The following UTY variants were observed in gnomAD, a reference collection of about 807,000 sequenced individuals.
UTY encodes histone demethylase UTY.
Under a neutral mutation model 32.5 loss-of-function variants are expected in UTY, and 12 were observed. That is an observed-to-expected ratio of 0.37 (90% confidence interval 0.24 to 0.60). The LOEUF (loss-of-function observed/expected upper bound fraction) is 0.60, where lower values mean the gene tolerates loss of function less well. Among genes scored for constraint, UTY ranks in the 20% least tolerant of loss-of-function variants. UTY has a pLI of 0.69. For synonymous variants in UTY, 131 were observed against 103.4 expected, an observed-to-expected ratio of 1.27 and a Z score of -1.62; for missense variants, 303 against 299.2, an observed-to-expected ratio of 1.01 and a Z score of -0.09.
At chrY:13,368,062 CT>C (rs758483942) in intron 9 of UTY, among the ~76,000 whole-genome samples, 2 of 23,206 alleles carry the variant, frequency 8.6e-5, no homozygotes, top group Non-Finnish European at 2.1e-4. Flanking sequence ...TAAGCACTAT[CT>C]TTTTTTTTTT....
chrY:13,426,900 G>T (rs2073365297), intron 4 of UTY, among the ~76,000 whole-genome samples: 1 of 33,146 alleles, frequency 3.0e-5, no homozygotes, highest in South Asian at 6.5e-4. Flanking sequence ...CAGCTCATTG[G>T]CTTAAAAAAA....
At chrY:13,302,068 C>A (rs2058399710) in intron 25 of UTY, among the ~76,000 whole-genome samples, 1 of 33,406 alleles carries the variant, frequency 3.0e-5, no homozygotes, top group Non-Finnish European at 7.4e-5. Context: ...ATGTAAACCT[C>A]ATATATAATT....
chrY:13,479,323 G>C lies in UTY; in HGVS notation c.153-6C>G. ...TCACGAACCCGAAGAGACGGCTGTA[G>C]AGAGAGAGACACAGAGCTTGTTAAT... On this transcript the variant is annotated splice_polypyrimidine_tract_variant and splice_region_variant and intron_variant, in intron 1 of 29. Coordinates refer to ENST00000545955, the MANE Select transcript of UTY (RefSeq NM_001258249.2). The C allele has an allele frequency of 2.5e-6, 1 of 393,915 alleles. No individual in the cohort carries two copies. The highest frequency in any genetic ancestry group is 7.7e-5 in the Admixed American group (1 of 13,051).
At chrY:13,368,637 C>A in intron 9 of UTY, among the ~76,000 whole-genome samples, 1 of 32,045 alleles carries the variant, frequency 3.1e-5, no homozygotes, top group African/African-American at 1.2e-4. Context: ...TGCTGGACCC[C>A]GACAGTGCTG....
chrY:13,312,535 G>A, intron 21 of UTY, among the ~76,000 whole-genome samples: 1 of 32,318 alleles, frequency 3.1e-5, no homozygotes, highest in Non-Finnish European at 7.6e-5. Flanking sequence ...TGAGGCGGGC[G>A]GGTCATCTGG....
chrY:13,475,506 CA>C (rs2078948118), intron 2 of UTY, among the ~76,000 whole-genome samples: 15 of 33,595 alleles, frequency 4.5e-4, no homozygotes, highest in African/African-American at 1.7e-3. Flanking sequence ...AGTTGCAGTG[CA>C]AAAATAACCT....
At chrY:13,275,223 T>C (rs1019453706) in intron 27 of UTY, among the ~76,000 whole-genome samples, 21 of 33,652 alleles carry the variant, frequency 6.2e-4, no homozygotes, top group Non-Finnish European at 4.4e-4. Context: ...AGTGTAGCTA[T>C]TGGCAAATTT....
At chrY:13,456,299 T>C (rs2076799332) in intron 3 of UTY, among the ~76,000 whole-genome samples, 1 of 33,429 alleles carries the variant, frequency 3.0e-5, no homozygotes, top group Non-Finnish European at 7.4e-5. Context: ...TCATGAATCT[T>C]TCCTTAAGAA....
chrY:13,251,187 C>T lies in UTY; in HGVS notation c.4138G>A (p.Val1380Met). The change falls in exon 29 of 30, where the codon GTG (valine) becomes ATG (methionine). Residue 1380 changes from valine (V) to methionine (M), a missense_variant and splice_region_variant. By Grantham distance (21) the Val-to-Met change is conservative. Transcript: ENST00000545955. ...EPAHYCSICE[V>M]EVFNLLFVTN... is the part of the protein sequence containing the mutation. ...ACAAAAAGCAGATTAAAAACCTCCACCTATATTAAATAAATAAATAAACAA... is the reference window on the plus strand; with the variant it reads ...ACAAAAAGCAGATTAAAAACCTCCATCTATATTAAATAAATAAATAAACAA... The T allele has an allele frequency of 2.7e-6, 1 of 363,900 alleles. No homozygotes were observed. The highest frequency in any genetic ancestry group is 9.8e-5 in the East Asian group (1 of 10,182). The allele number at this position is 363,900 out of a possible 400,897, so 90.8% of individuals were successfully genotyped here.
chrY:13,470,298 G>T, intron 2 of UTY, 69 bp from the exon 3 acceptor site: 1 of 211,465 alleles, frequency 4.7e-6, no homozygotes, highest in Non-Finnish European at 7.2e-6. Flanking sequence ...ACATCTGCAC[G>T]AGATTCTTAA....
chrY:13,302,014 A>G (rs2058396951), intron 25 of UTY, among the ~76,000 whole-genome samples: 1 of 34,144 alleles, frequency 2.9e-5, no homozygotes. Context: ...CCAAAAGGTT[A>G]AAGTAGAAAT....
intron 10 of UTY, among the ~76,000 whole-genome samples, chrY:13,364,387 G>A (rs1207692670): frequency 5.9e-4 from 19 of 32,450 alleles, no homozygotes; most frequent in Non-Finnish European, 1.1e-3. Flanking sequence ...TTTAATTTTT[G>A]AGATGGAGTC....
intron 8 of UTY, among the ~76,000 whole-genome samples, chrY:13,380,029 A>G (rs865847784): frequency 0.021 from 108 of 5,136 alleles, no homozygotes; most frequent in Non-Finnish European, 0.017. Context: ...ATATATATAG[A>G]TGTGTGTGTG....
downstream of UTY, among the ~76,000 whole-genome samples, chrY:13,246,685 AGCCT>A (rs2053950583): frequency 3.3e-5 from 1 of 30,507 alleles, no homozygotes; most frequent in Non-Finnish European, 7.8e-5. Flanking sequence ...GTTTGAGACC[AGCCT>A]GCCTAACATG....
intron 8 of UTY, among the ~76,000 whole-genome samples, chrY:13,381,432 G>C: frequency 2.9e-5 from 1 of 34,306 alleles, no homozygotes; most frequent in Non-Finnish European, 7.3e-5. Context: ...GCTAAGGCAA[G>C]AGAATTGCCT....
intron 28 of UTY, among the ~76,000 whole-genome samples, chrY:13,258,429 C>T (rs2054967706): frequency 3.0e-5 from 1 of 33,632 alleles, no homozygotes; most frequent in African/African-American, 1.2e-4. Context: ...TATAGTGGCA[C>T]CTCAACCTCA....
At chrY:13,278,356 A>G (rs2056812146) in intron 27 of UTY, among the ~76,000 whole-genome samples, 1 of 33,403 alleles carries the variant, frequency 3.0e-5, no homozygotes, top group African/African-American at 1.2e-4. Context: ...CTGTTTGAGG[A>G]AAGGAGAGGG....
chrY:13,354,118 G>C (rs977057045), intron 17 of UTY, among the ~76,000 whole-genome samples: 2 of 34,019 alleles, frequency 5.9e-5, no homozygotes, highest in Non-Finnish European at 1.5e-4. Flanking sequence ...GAAACAAAGA[G>C]TTTGTTGGGC....
intron 21 of UTY, among the ~76,000 whole-genome samples, chrY:13,316,824 G>C: frequency 3.1e-5 from 1 of 32,119 alleles, no homozygotes; most frequent in Non-Finnish European, 7.6e-5. Flanking sequence ...GCGCGGTAGA[G>C]GAAGAAAAAC....
Sources: gnomAD v4.1 joint callset for allele counts (sites outside exome capture counted in the v4.1 genomes callset) on GRCh38, gnomAD v4.1.1 for gene constraint, MANE v1.5 for transcripts, NCBI Gene and HGNC (gene_info 2026-07-23, HGNC 2026-07-21) for gene names.